The following GNA14 variants were observed in gnomAD, a reference collection of about 807,000 sequenced individuals.
GNA14 encodes the protein guanine nucleotide-binding protein subunit alpha-14.
A neutral mutation model predicts 42.0 loss-of-function variants in GNA14; 50 were observed. The observed-to-expected ratio is 1.19, with a 90% CI of 0.95 to 1.51. The LOEUF (loss-of-function observed/expected upper bound fraction) is 1.51. Ranked by LOEUF, GNA14 falls within the 40% of genes most tolerant of loss-of-function variation. The probability of loss-of-function intolerance (pLI) is 0.00; values close to 1 mark genes in which losing one functional copy is unlikely to be tolerated. For missense variants in GNA14, 473 were observed against 446.2 expected (o/e 1.06, Z -0.54); for synonymous variants, 173 against 163.1 (o/e 1.06, Z -0.46).
intron 1 of GNA14, among the ~76,000 whole-genome samples, chr9:77,581,002 G>GGGCACA (rs1294152240): frequency 1.2e-4 from 18 of 144,280 alleles, no homozygotes; most frequent in Non-Finnish European, 2.1e-4. Context: ...TACAATAAAG[G>GGGCACA]CACACACACA....
At chr9:77,588,379 T>A (rs992661810) in intron 1 of GNA14, among the ~76,000 whole-genome samples, 1 of 152,106 alleles carries the variant, frequency 6.6e-6, no homozygotes, top group Non-Finnish European at 1.5e-5. Flanking sequence ...GTATTTTGAA[T>A]GAAGAATGTG....
At position 77,424,070 on chromosome 9, in the gene GNA14, CAT is replaced by C; in HGVS notation, c.975_976del (p.Ala327TyrfsTer70). 2 of 1,612,214 alleles carry C rather than the reference CAT, an allele frequency of 1.2e-6. No individual in the cohort carries two copies. The highest frequency in any genetic ancestry group is 1.7e-6 in the Non-Finnish European group (2 of 1,178,512). On this transcript the variant is annotated frameshift_variant, in exon 7 of 7. Transcript: ENST00000341700. LOFTEE classifies it high-confidence loss of function. ...GCGAATATTGTCTGTATCTGTAGCA[CAT>C]GTGAAGTGAGAGTAGATGACTTTCT...
At chr9:77,580,785 G>A (rs147043624) in intron 1 of GNA14, among the ~76,000 whole-genome samples, 1 of 152,316 alleles carries the variant, frequency 6.6e-6, no homozygotes, top group East Asian at 1.9e-4. Context: ...TGTGCATGAT[G>A]TTTGGATGCT....
intron 2 of GNA14, among the ~76,000 whole-genome samples, chr9:77,462,733 G>GT (rs1431475704): frequency 2.2e-3 from 3 of 1,334 alleles, no homozygotes; most frequent in Non-Finnish European, 5.9e-3. Flanking sequence ...GGCGGGGGGT[G>GT]GGGGGGTGGG....
chr9:77,595,971 A>T (rs1474325782), intron 1 of GNA14, among the ~76,000 whole-genome samples: 1 of 152,038 alleles, frequency 6.6e-6, no homozygotes, highest in Non-Finnish European at 1.5e-5. Flanking sequence ...GAGAATAGAG[A>T]TGGCACACTG....
chr9:77,454,097 A>G (rs1024303222), intron 2 of GNA14, among the ~76,000 whole-genome samples: 10 of 152,218 alleles, frequency 6.6e-5, no homozygotes, highest in Admixed American at 1.3e-4. Flanking sequence ...CTTGGATTTC[A>G]CAAGGAAGAA....
At chr9:77,449,361 G>A (rs1835870059) in intron 2 of GNA14, among the ~76,000 whole-genome samples, 1 of 152,194 alleles carries the variant, frequency 6.6e-6, no homozygotes, top group Non-Finnish European at 1.5e-5. Flanking sequence ...TAAATAAAAT[G>A]CCACCCAGTG....
chr9:77,570,434 T>A (rs1265980046), intron 1 of GNA14, among the ~76,000 whole-genome samples: 1 of 152,218 alleles, frequency 6.6e-6, no homozygotes, highest in East Asian at 1.9e-4. Context: ...ACTAATCTAC[T>A]TTGTCTCTTT....
intron 1 of GNA14, among the ~76,000 whole-genome samples, chr9:77,610,611 A>G (rs1823715140): frequency 6.6e-6 from 1 of 152,208 alleles, no homozygotes; most frequent in African/African-American, 2.4e-5. Context: ...TAAGAGAGAT[A>G]CAAACTTTTA....
intron 1 of GNA14, among the ~76,000 whole-genome samples, chr9:77,567,617 A>G (rs1227500959): frequency 2.0e-5 from 3 of 152,202 alleles, no homozygotes; most frequent in Non-Finnish European, 2.9e-5. Flanking sequence ...CTGTAATCCC[A>G]GCACTTTGGG....
At chr9:77,493,046 T>TATATATATATATA (rs1564030867) in intron 2 of GNA14, among the ~76,000 whole-genome samples, 6 of 136,592 alleles carry the variant, frequency 4.4e-5, no homozygotes, top group Admixed American at 7.4e-5. Flanking sequence ...TATATATATA[T>TATATATATATATA]TTGGGAGATG....
chr9:77,569,793 G>T (rs1428619754), intron 1 of GNA14, among the ~76,000 whole-genome samples: 2 of 150,546 alleles, frequency 1.3e-5, no homozygotes, highest in Non-Finnish European at 3.0e-5. Context: ...TTAAGACGGA[G>T]TTTCGCTCTT....
chr9:77,500,307 T>C (rs1836945385), intron 2 of GNA14, among the ~76,000 whole-genome samples: 1 of 152,184 alleles, frequency 6.6e-6, no homozygotes, highest in Non-Finnish European at 1.5e-5. Context: ...CGTGAGCCAC[T>C]GTGCCCGGCC....
At chr9:77,505,595 C>T (rs501667) in intron 2 of GNA14, among the ~76,000 whole-genome samples, 45 of 152,248 alleles carry the variant, frequency 3.0e-4, no homozygotes, top group Admixed American at 4.6e-4. Context: ...AATGAATGAA[C>T]GAACTAAGGA....
At chr9:77,467,000 G>GGTGTGTGTGT (rs59321037) in intron 2 of GNA14, among the ~76,000 whole-genome samples, 1,943 of 143,592 alleles carry the variant, frequency 0.014, 26 homozygotes, top group East Asian at 0.035. Flanking sequence ...TTTACCACTC[G>GGTGTGTGTGT]GTGTGTGTGT....
chr9:77,576,443 A>G (rs976657882), intron 1 of GNA14, among the ~76,000 whole-genome samples: 4 of 152,198 alleles, frequency 2.6e-5, no homozygotes, highest in African/African-American at 9.6e-5. Flanking sequence ...TTCTAAGAAG[A>G]TAGAGTGACT....
Position 77,624,491 on chromosome 9 carries a change from G to A in GNA14, c.124+23179C>T, listed in dbSNP as rs193186307. Among the ~76,000 whole-genome samples, 614 of 152,250 alleles carry A rather than the reference G, an allele frequency of 4.0e-3. 2 individuals are homozygous for A. Among genetic ancestry groups the A allele is most frequent in the African/African-American group, 0.013 (549 of 41,566 alleles). On this transcript the variant is annotated intron_variant, in intron 1 of 6. Transcript: ENST00000341700. ...TCTTGACTGGGAGACACCTCCCAGC[G>A]GGGGTCGACAGACACCTCATACAGG...
In GNA14 at chr9:77,544,197, C is replaced by T. The variant is rs191369706; in HGVS notation, c.125-14944G>A. Among the ~76,000 whole-genome samples, 676 of 152,158 alleles carry T rather than the reference C, an allele frequency of 4.4e-3. 5 individuals carry two copies. Among genetic ancestry groups the T allele is most frequent in the African/African-American group, 0.015 (635 of 41,500 alleles). On this transcript the variant is annotated intron_variant, in intron 1 of 6. Transcript: ENST00000341700. The stretch of plus-strand genomic sequence containing the variant: ...GTCAATAGCTCATATGTATAAGATT[C>T]CAGAAATGTAACAAAATACAGAGAA...
intron 2 of GNA14, among the ~76,000 whole-genome samples, chr9:77,483,816 G>A (rs1367260340): frequency 1.3e-5 from 2 of 152,068 alleles, no homozygotes; most frequent in African/African-American, 2.4e-5. Flanking sequence ...TAACCGTAGG[G>A]ATAAAATGAA....
Sources: gnomAD v4.1 joint callset for allele counts (sites outside exome capture counted in the v4.1 genomes callset) on GRCh38, gnomAD v4.1.1 for gene constraint, MANE v1.5 for transcripts, NCBI Gene and HGNC (gene_info 2026-07-23, HGNC 2026-07-21) for gene names.